Variants in HERC1 observed in about 807,000 individuals in gnomAD.
The protein encoded by HERC1 is HECT and RLD domain containing E3 ubiquitin protein ligase family member 1.
In HERC1, 160 loss-of-function variants were observed where a neutral mutation model predicts 554.3. The ratio of observed to expected loss-of-function variants is 0.29; its 90% CI spans 0.25 to 0.33. The LOEUF (loss-of-function observed/expected upper bound fraction) is 0.33. HERC1 is among the 10% of genes least tolerant of loss of function. The pLI, the probability that HERC1 is intolerant of heterozygous loss-of-function variation, is 1.00. For missense variants in HERC1, 4,919 were observed against 5,918.5 expected, an observed-to-expected ratio of 0.83 and a Z score of 5.54; for synonymous variants, 2,175 against 2,131.7, an observed-to-expected ratio of 1.02 and a Z score of -0.56.
intron 3 of HERC1, among the ~76,000 whole-genome samples, chr15:63,763,579 C>CTTT (rs368105722): frequency 7.1e-6 from 1 of 141,810 alleles, no homozygotes. Flanking sequence ...AAAGACTTTC[C>CTTT]TTTTTTTTTT....
Position 63,677,817 on chromosome 15 carries a change from G to A in HERC1, c.7070+28C>T. On this transcript the variant is annotated intron_variant, in intron 37 of 77. Transcript: ENST00000443617. This position sits in a 1 kb window ranked among gnomAD's most constrained non-coding sequence, Gnocchi z 4.4. ...CTATTTCACCATTAAATATTTGTTT[G>A]CTAAAAGTGTAACTCAACAGATCAT... 1 of 1,587,518 alleles carries A rather than the reference G, an allele frequency of 6.3e-7. No homozygotes were observed. Among genetic ancestry groups the A allele is most frequent in the African/African-American group, 1.3e-5 (1 of 74,512 alleles).
At chr15:63,823,434 G>T (rs189413010) in intron 1 of HERC1, among the ~76,000 whole-genome samples, 15 of 152,286 alleles carry the variant, frequency 9.8e-5, no homozygotes, top group African/African-American at 3.6e-4. Context: ...CCATTTTATA[G>T]ATCAGAAAAC....
intron 3 of HERC1, among the ~76,000 whole-genome samples, chr15:63,760,349 G>A (rs1307674017): frequency 2.4e-4 from 35 of 147,386 alleles, no homozygotes; most frequent in African/African-American, 8.0e-4. Context: ...AAGTATTGAG[G>A]TCAAATCCCA....
Position 63,680,753 on chromosome 15 carries a change from T to A in HERC1, c.6249A>T (p.Arg2083Ser). Residue 2083 changes from arginine (R) to serine (S), a missense_variant, in exon 35 of 78, where the codon AGA becomes AGT. This residue lies in a region of HERC1 where 85 missense variants were observed against 163.2 expected (regional missense o/e 0.52). Coordinates refer to ENST00000443617, the MANE Select transcript of HERC1 (RefSeq NM_003922.4). The surrounding 1 kb of genome is among the most constrained non-coding windows in gnomAD (Gnocchi z 5.8). Reference protein sequence around the residue: ...QWKFYIVKENRGNEGTCVGVS... With the variant: ...QWKFYIVKENSGNEGTCVGVS... ...CTCCAACACACGTGCCTTCATTACC[T>A]CTGTTTTCCTTCACAATATAAAACT... 2.5e-6 allele frequency: 4 copies of A among 1,611,666 alleles called. No homozygotes were observed. The highest frequency in any genetic ancestry group is 3.4e-6 in the Non-Finnish European group (4 of 1,177,748).
At chr15:63,776,234 A>G (rs2076110472) in intron 1 of HERC1, among the ~76,000 whole-genome samples, 1 of 152,056 alleles carries the variant, frequency 6.6e-6, no homozygotes, top group African/African-American at 2.4e-5. Flanking sequence ...CCACATGGCT[A>G]TCTAACAGTT....
chr15:63,631,218 C>T (rs2068539799), intron 68 of HERC1, among the ~76,000 whole-genome samples: 2 of 152,190 alleles, frequency 1.3e-5, no homozygotes, highest in Non-Finnish European at 2.9e-5. Context: ...ACCAACCTCT[C>T]CCCTTACCTT....
In HERC1 at chr15:63,703,323, T is replaced by C. The variant is rs188591816; in HGVS notation, c.4636+3457A>G. Among the ~76,000 whole-genome samples, 12 of 152,336 alleles carry C rather than the reference T, an allele frequency of 7.9e-5. No homozygotes were observed. In the East Asian group the frequency reaches 2.1e-3, roughly 27 times the overall value. On this transcript the variant is annotated intron_variant, in intron 25 of 77. Coordinates refer to ENST00000443617, the MANE Select transcript of HERC1 (RefSeq NM_003922.4). The stretch of plus-strand genomic sequence containing the variant: ...AGCGTGAATCTTAGTATCCCCACTG[T>C]CAAATACTGAGATTACAGGCAATGG...
At chr15:63,634,156 T>C (rs765439732) in intron 66 of HERC1, among the ~76,000 whole-genome samples, 186 bp from the exon 67 acceptor site, 1 of 152,236 alleles carries the variant, frequency 6.6e-6, no homozygotes, top group Admixed American at 6.5e-5. Context: ...TTAATGTCCA[T>C]ATATAACTTT....
intron 24 of HERC1, among the ~76,000 whole-genome samples, chr15:63,712,384 G>GA (rs1162016717): frequency 2.6e-5 from 4 of 152,088 alleles, no homozygotes; most frequent in Admixed American, 1.3e-4. Flanking sequence ...CAGGAGATAA[G>GA]AAAAAAGAGT....
chr15:63,755,380 C>T (rs892164666), intron 5 of HERC1, 55 bp from the exon 6 acceptor site: 29 of 1,289,230 alleles, frequency 2.2e-5, no homozygotes, highest in African/African-American at 2.9e-5. Flanking sequence ...ACATATAGTC[C>T]GTATTTGATC....
intron 1 of HERC1, chr15:63,780,679 G>T (rs2076261785): frequency 1.3e-5 from 2 of 151,714 alleles, no homozygotes; most frequent in Non-Finnish European, 1.5e-5. Context: ...CCAAGATCGT[G>T]CCACTGCACT....
Position 63,609,029 on chromosome 15 carries a change from C to A in HERC1, c.*52G>T. On this transcript the variant is annotated 3_prime_UTR_variant, in exon 78 of 78. Coordinates refer to ENST00000443617, the MANE Select transcript of HERC1 (RefSeq NM_003922.4). The stretch of plus-strand genomic sequence containing the variant: ...CCATAAAAGTATATCAACATCAAAT[C>A]AGAAGTGAGCATTATTGAGGGAGAG... 6.6e-7 allele frequency: 1 copy of A among 1,511,858 alleles called. No homozygotes were observed. The highest frequency in any genetic ancestry group is 2.3e-5 in the East Asian group (1 of 43,426). The allele number at this position is 1,511,858 out of a possible 1,614,324, so 93.7% of individuals were successfully genotyped here.
At chr15:63,638,809 T>C (rs1433574590) in intron 61 of HERC1, 33 bp from the exon 62 acceptor site, 1 of 1,549,180 alleles carries the variant, frequency 6.5e-7, no homozygotes, top group Non-Finnish European at 8.9e-7. Context: ...TGATCAATTC[T>C]GCTTAGGCAA....
intron 12 of HERC1, among the ~76,000 whole-genome samples, chr15:63,739,318 C>T (rs1213097902): frequency 6.6e-6 from 1 of 151,088 alleles, no homozygotes; most frequent in Non-Finnish European, 1.5e-5. Flanking sequence ...CTGCCTCAGC[C>T]TCCCAAGCGG....
At chr15:63,647,135 T>C (rs2069394895) in intron 55 of HERC1, among the ~76,000 whole-genome samples, 1 of 152,024 alleles carries the variant, frequency 6.6e-6, no homozygotes, top group Admixed American at 6.6e-5. Flanking sequence ...GTGCCTGTAA[T>C]CCCAGCTACT....
At position 63,672,654 on chromosome 15, in the gene HERC1, C is replaced by A; in HGVS notation, c.7887G>T (p.Gln2629His). Residue 2629 changes from glutamine to histidine, a missense_variant, in exon 39 of 78, where the codon CAG (glutamine) becomes CAT (histidine). Gln to His is a conservative substitution (Grantham distance 24). Transcript: ENST00000443617. ...QQAEESDPAQ[Q>H]AQTPVTTSPS... is the part of the protein sequence containing the mutation. Reference sequence around the variant, plus strand: ...GGCTAGTAGTAACTGGTGTCTGTGCCTGCTGGGCAGGGTCACTTTCTTCAG... The same window carrying A: ...GGCTAGTAGTAACTGGTGTCTGTGCATGCTGGGCAGGGTCACTTTCTTCAG... 6.2e-7 allele frequency: 1 copy of A among 1,612,150 alleles called. No homozygotes were observed. Among genetic ancestry groups the A allele is most frequent in the Non-Finnish European group, 8.5e-7 (1 of 1,178,924 alleles).
intron 69 of HERC1, among the ~76,000 whole-genome samples, chr15:63,630,011 C>T (rs1377471975): frequency 6.6e-6 from 1 of 152,078 alleles, no homozygotes; most frequent in Admixed American, 6.5e-5. Flanking sequence ...CCTGCAAAAA[C>T]CTAAAGATAC....
In HERC1 at chr15:63,667,032, T is replaced by C. The variant is rs144465181; in HGVS notation, c.8207-560A>G. ...GTGCTAAAGTGCTGTCTAGTGTTTC[T>C]AAGCACAAGGATGCTGTAATGTGCC... On this transcript the variant is annotated intron_variant, in intron 40 of 77. Coordinates refer to ENST00000443617, the MANE Select transcript of HERC1 (RefSeq NM_003922.4). Among the ~76,000 whole-genome samples the C allele has an allele frequency of 4.6e-5, 7 of 152,362 alleles. No homozygotes were observed. In the East Asian group the frequency reaches 1.2e-3, roughly 25 times the overall value.
intron 52 of HERC1, among the ~76,000 whole-genome samples, chr15:63,651,642 T>A (rs1201978687): frequency 1.3e-5 from 2 of 152,242 alleles, no homozygotes; most frequent in Non-Finnish European, 2.9e-5. Context: ...TCAAATTCTG[T>A]ATGTGTTGTA....
Sources: allele counts gnomAD v4.1 joint callset (sites outside exome capture counted in the v4.1 genomes callset), GRCh38; gene constraint gnomAD v4.1.1; regional missense constraint gnomAD v4.1.1; non-coding constraint Gnocchi (gnomAD v3.1); transcripts MANE v1.5; gene names NCBI Gene and HGNC (gene_info 2026-07-23, HGNC 2026-07-21).